Variants in SLX9 observed in about 807,000 individuals in gnomAD.
The protein encoded by SLX9 is ribosome biogenesis protein SLX9 homolog.
Under a neutral mutation model 20.8 loss-of-function variants are expected in SLX9, and 19 were observed. That is an observed-to-expected ratio of 0.91 (90% CI 0.64 to 1.34). The LOEUF (loss-of-function observed/expected upper bound fraction) is 1.34, where lower values mean the gene tolerates loss of function less well. SLX9 is among the 40% of genes most tolerant of loss of function. The pLI is 0.00. For synonymous variants in SLX9, 113 were observed against 137.1 expected (o/e 0.82, Z 1.23); for missense variants, 299 against 322.2 (o/e 0.93, Z 0.55).
intron 2 of SLX9, among the ~76,000 whole-genome samples, chr21:44,954,545 G>C (rs2084819502): frequency 6.6e-6 from 1 of 152,210 alleles, no homozygotes; most frequent in East Asian, 1.9e-4. Flanking sequence ...GGGAGTCGAG[G>C]TGAGCCGTTT....
chr21:44,944,984 G>A (rs1051401651), intron 2 of SLX9, among the ~76,000 whole-genome samples: 2 of 152,226 alleles, frequency 1.3e-5, no homozygotes, highest in African/African-American at 2.4e-5. Context: ...CTGTGGAGGC[G>A]CCCGCTCTGC....
At position 44,940,213 on chromosome 21, in the gene SLX9, G is replaced by A. The variant is rs192505150; in HGVS notation, c.129+27G>A. ...TGAGCTGGGGAGGCGCTGGCCGGGG[G>A]CTGCCGCGTGGGTCCGAGGGCGGGT... On this transcript the variant is annotated intron_variant, in intron 1 of 5. Coordinates refer to ENST00000291634, the MANE Select transcript of SLX9 (RefSeq NM_058190.4). The A allele has an allele frequency of 1.1e-4, 138 of 1,221,018 alleles. No homozygotes were observed. In the African/African-American group the frequency reaches 2.1e-3, roughly 18 times the overall value. The allele number at this position is 1,221,018 out of a possible 1,614,324, so 75.6% of individuals were successfully genotyped here. A position where few individuals can be genotyped will look rare whatever the true frequency, so the allele number is the denominator to read the frequency against.
chr21:44,965,369 T>C (rs573108882), intron 3 of SLX9, among the ~76,000 whole-genome samples: 154 of 152,214 alleles, frequency 1.0e-3, no homozygotes, highest in African/African-American at 3.6e-3. Context: ...GCTCCCTCCC[T>C]CCCCCTCAGA....
At chr21:44,955,281 A>G (rs1601394500) in intron 2 of SLX9, among the ~76,000 whole-genome samples, 1 of 150,478 alleles carries the variant, frequency 6.6e-6, no homozygotes, top group Non-Finnish European at 1.5e-5. Context: ...CCCCACTCCT[A>G]GTCCCCTGTG....
intron 3 of SLX9, among the ~76,000 whole-genome samples, chr21:44,963,075 G>A (rs986623597): frequency 6.6e-6 from 1 of 151,168 alleles, no homozygotes; most frequent in African/African-American, 2.4e-5. Flanking sequence ...ACTGTGACTT[G>A]CCTGTTCATT....
chr21:44,948,623 G>A (rs1259164109), intron 2 of SLX9, among the ~76,000 whole-genome samples: 2 of 152,206 alleles, frequency 1.3e-5, no homozygotes, highest in African/African-American at 4.8e-5. Context: ...ATGTTGGGAG[G>A]CCTGTCACCA....
chr21:44,960,394 G>T (rs2084932242), intron 3 of SLX9, among the ~76,000 whole-genome samples: 1 of 152,266 alleles, frequency 6.6e-6, no homozygotes, highest in South Asian at 2.1e-4. Flanking sequence ...AGCTGGTCTG[G>T]CCTGTTGTGG....
rs778852973 is a variant in SLX9, at chr21:44,976,655, T to G, written c.570-25T>G. ...GAGGGGTCCGGGGGTTCCTGCCTGC[T>G]GATCTGTGGTCTCCATTCTTTCAGC... is the stretch of plus-strand genomic sequence containing the variant. On this transcript the variant is annotated intron_variant, in intron 5 of 5. Transcript: ENST00000291634. 1.9e-5 allele frequency: 30 copies of G among 1,571,962 alleles called. No individual in the cohort carries two copies. In the African/African-American group the frequency reaches 3.8e-4, roughly 20 times the overall value.
intron 2 of SLX9, among the ~76,000 whole-genome samples, chr21:44,956,840 C>T (rs185406181): frequency 7.2e-5 from 11 of 152,356 alleles, no homozygotes; most frequent in Non-Finnish European, 1.6e-4. Context: ...CACAGGCGTG[C>T]TGTGTAGCTG....
At chr21:44,940,208 CG>C (rs1568924917) in intron 1 of SLX9, 22 bp downstream of exon 1, 2 of 1,222,474 alleles carry the variant, frequency 1.6e-6, no homozygotes, top group Admixed American at 4.3e-5. Context: ...AGGCGCTGGC[CG>C]GGGGCTGCCG....
intron 2 of SLX9, among the ~76,000 whole-genome samples, chr21:44,955,123 G>A (rs1052818432): frequency 2.0e-5 from 3 of 151,988 alleles, no homozygotes; most frequent in Non-Finnish European, 4.4e-5. Flanking sequence ...GGCTGAGGCA[G>A]GAGAATGGCT....
At chr21:44,957,352 C>T (rs1222870995) in intron 2 of SLX9, among the ~76,000 whole-genome samples, 1 of 152,224 alleles carries the variant, frequency 6.6e-6, no homozygotes, top group Non-Finnish European at 1.5e-5. Context: ...CGGTCAGTCC[C>T]CACACGCTGC....
intron 4 of SLX9, among the ~76,000 whole-genome samples, chr21:44,971,538 G>A (rs968457778): frequency 3.3e-5 from 5 of 152,164 alleles, no homozygotes; most frequent in African/African-American, 1.2e-4. Flanking sequence ...ACCTTGGGAG[G>A]CATTGGTCCC....
At chr21:44,973,944 C>T (rs1179787019) in intron 5 of SLX9, among the ~76,000 whole-genome samples, 1 of 152,210 alleles carries the variant, frequency 6.6e-6, no homozygotes, top group African/African-American at 2.4e-5. Context: ...CCCATCTCCG[C>T]CCCTCCCCTC....
At chr21:44,974,563 A>C (rs1005386475) in intron 5 of SLX9, among the ~76,000 whole-genome samples, 2 of 152,126 alleles carry the variant, frequency 1.3e-5, no homozygotes, top group South Asian at 2.1e-4. Flanking sequence ...TTTTTTAAAA[A>C]GTTTTTATTT....
In SLX9 at chr21:44,960,223, G is replaced by A. The variant is rs562596555; in HGVS notation, c.352+55G>A. On this transcript the variant is annotated intron_variant, in intron 3 of 5. Coordinates refer to ENST00000291634, the MANE Select transcript of SLX9 (RefSeq NM_058190.4). ...TGCCGGCCCAAGTCCCATCCCGTGG[G>A]CCCTCCTATTCCTACAGCCTCACAT... is the stretch of plus-strand genomic sequence containing the variant. 1.9e-4 allele frequency: 289 copies of A among 1,529,414 alleles called. 2 individuals carry two copies. The East Asian group carries it at 5.5e-3, about 29-fold the overall frequency. The allele number at this position is 1,529,414 out of a possible 1,614,324, so 94.7% of individuals were successfully genotyped here.
intron 2 of SLX9, 36 bp downstream of exon 2, chr21:44,943,873 C>T (rs1365334461): frequency 6.2e-7 from 1 of 1,613,392 alleles, no homozygotes; most frequent in African/African-American, 1.3e-5. Flanking sequence ...TGCTGATACC[C>T]AGCAGGTCTG....
intron 2 of SLX9, chr21:44,959,358 C>A: frequency 1.5e-6 from 1 of 681,538 alleles, no homozygotes; most frequent in African/African-American, 2.0e-5. Flanking sequence ...ATGGGGGTGC[C>A]CTTGAGTCCA....
chr21:44,949,339 G>A (rs11909342), intron 2 of SLX9, among the ~76,000 whole-genome samples: 26,981 of 151,848 alleles, frequency 0.18, 2,504 homozygotes, highest in Non-Finnish European at 0.2. Context: ...CAGGAGTGTC[G>A]GGCCTGGCAG....
Sources: allele counts gnomAD v4.1 joint callset (sites outside exome capture counted in the v4.1 genomes callset), GRCh38; gene constraint gnomAD v4.1.1; transcripts MANE v1.5; gene names NCBI Gene and HGNC (gene_info 2026-07-23, HGNC 2026-07-21).